CHL1: variants seen among roughly 807,000 people sequenced by gnomAD.
CHL1 encodes the protein cell adhesion molecule L1 like.
A neutral mutation model predicts 141.9 loss-of-function variants in CHL1; 96 were observed. The observed-to-expected ratio is 0.68, with a 90% CI of 0.57 to 0.80. The LOEUF is 0.80. CHL1 is among the 30% of genes least tolerant of loss of function. CHL1 has a pLI of 0.00. For synonymous variants in CHL1, 613 were observed against 502.2 expected, an observed-to-expected ratio of 1.22 and a Z score of -2.95; for missense variants, 1,820 against 1,457.2, an observed-to-expected ratio of 1.25 and a Z score of -4.05.
At chr3:287,937 T>G (rs993702209) in intron 2 of CHL1, among the ~76,000 whole-genome samples, 1 of 152,152 alleles carries the variant, frequency 6.6e-6, no homozygotes, top group African/African-American at 2.4e-5. Flanking sequence ...GGCTAAGTTT[T>G]TTGTATTTTT....
chr3:315,451 C>T (rs1202112365), intron 2 of CHL1, among the ~76,000 whole-genome samples: 1 of 152,096 alleles, frequency 6.6e-6, no homozygotes, highest in Non-Finnish European at 1.5e-5. Flanking sequence ...TCCTCCATTT[C>T]TCAAGGAATA....
intron 2 of CHL1, among the ~76,000 whole-genome samples, chr3:293,806 T>A (rs1457234513): frequency 1.4e-5 from 1 of 73,434 alleles, no homozygotes. Context: ...CTGGAGAAGA[T>A]TTTTTTTTTT....
chr3:376,047 G>A (rs780500139), intron 15 of CHL1, among the ~76,000 whole-genome samples: 3 of 152,218 alleles, frequency 2.0e-5, no homozygotes, highest in Non-Finnish European at 4.4e-5. Flanking sequence ...AAGGCAAACA[G>A]AGGAAAAGAT....
chr3:330,322 A>G (rs532345161), intron 5 of CHL1, among the ~76,000 whole-genome samples: 1 of 152,238 alleles, frequency 6.6e-6, no homozygotes, highest in East Asian at 1.9e-4. Context: ...AACATGTTGA[A>G]TGCAGTGAAA....
intron 12 of CHL1, among the ~76,000 whole-genome samples, chr3:360,700 A>G (rs560416325): frequency 6.8e-6 from 1 of 147,374 alleles, no homozygotes; most frequent in African/African-American, 2.6e-5. Context: ...CTAACTCGTC[A>G]TCTAGCATTA....
rs1709583828 is a variant in CHL1 at position 407,204 on chromosome 3, G to C, written c.*1493G>C. 1 of 152,060 alleles carries C rather than the reference G, an allele frequency of 6.6e-6. No homozygotes were observed. Among genetic ancestry groups the C allele is most frequent in the Non-Finnish European group, 1.5e-5 (1 of 68,006 alleles). 9.4% of individuals were successfully genotyped at this position (152,060 alleles called of 1,614,324 possible). A position where few individuals can be genotyped will look rare whatever the true frequency, so the allele number is the denominator to read the frequency against. ...CCTTACCACGAAATACTTAACTACTGTTTAAGTGAATTGACTTATTTCACT... is the reference window on the plus strand; with the variant it reads ...CCTTACCACGAAATACTTAACTACTCTTTAAGTGAATTGACTTATTTCACT... On this transcript the variant is annotated 3_prime_UTR_variant, in exon 28 of 28. Transcript: ENST00000256509.
intron 1 of CHL1, among the ~76,000 whole-genome samples, chr3:206,606 C>A (rs929191119): frequency 2.6e-5 from 4 of 151,528 alleles, no homozygotes; most frequent in Admixed American, 1.3e-4. Context: ...CAGGTGTGGT[C>A]GGGCATGCCT....
intron 11 of CHL1, among the ~76,000 whole-genome samples, chr3:355,083 C>T (rs1208357753): frequency 1.3e-5 from 2 of 152,040 alleles, no homozygotes; most frequent in East Asian, 1.9e-4. Context: ...AATTATTGTT[C>T]CTGTCCCTGA....
At chr3:404,531 T>C (rs981526926) in intron 27 of CHL1, among the ~76,000 whole-genome samples, 5 of 152,182 alleles carry the variant, frequency 3.3e-5, no homozygotes, top group African/African-American at 1.2e-4. Context: ...GATTTGCTTC[T>C]GTTCATGAAT....
chr3:239,098 G>T (rs331899), intron 1 of CHL1, among the ~76,000 whole-genome samples: 145,756 of 152,092 alleles, frequency 0.96, 69,927 homozygotes, highest in East Asian at 1. Flanking sequence ...AGTGGGGACT[G>T]TCAAGTAGGG....
intron 1 of CHL1, among the ~76,000 whole-genome samples, chr3:199,456 A>G (rs1698724701): frequency 1.3e-5 from 2 of 152,200 alleles, no homozygotes; most frequent in African/African-American, 4.8e-5. Flanking sequence ...TCATGGTTAT[A>G]TAGGTCCTCC....
At chr3:375,422 G>C (rs1005670715) in intron 15 of CHL1, among the ~76,000 whole-genome samples, 2 of 151,966 alleles carry the variant, frequency 1.3e-5, no homozygotes, top group African/African-American at 4.8e-5. Context: ...CCAAATAGGA[G>C]CTGCTTTTTT....
intron 10 of CHL1, among the ~76,000 whole-genome samples, 191 bp from the exon 11 acceptor site, chr3:354,433 GCACACACACACACACA>G (rs3836376): frequency 6.7e-6 from 1 of 149,392 alleles, no homozygotes; most frequent in Non-Finnish European, 1.5e-5. Flanking sequence ...TTAAACACAA[GCACACACACACACACA>G]CACACACACA....
chr3:337,663 A>G (rs919212064), intron 5 of CHL1, among the ~76,000 whole-genome samples: 55 of 152,122 alleles, frequency 3.6e-4, no homozygotes, highest in Non-Finnish European at 4.4e-5. Flanking sequence ...GATGGTTTTC[A>G]GCTTCAACCA....
At chr3:222,804 T>C (rs1700972299) in intron 1 of CHL1, among the ~76,000 whole-genome samples, 1 of 152,212 alleles carries the variant, frequency 6.6e-6, no homozygotes. Context: ...CTAACGCATA[T>C]TGATTTCTAA....
intron 2 of CHL1, among the ~76,000 whole-genome samples, chr3:304,296 G>C (rs432453): frequency 6.6e-6 from 1 of 152,132 alleles, no homozygotes; most frequent in Non-Finnish European, 1.5e-5. Flanking sequence ...CTGTTGTTTG[G>C]AATAGTTTCA....
chr3:249,019 C>T (rs1693437754), intron 2 of CHL1, among the ~76,000 whole-genome samples: 1 of 152,108 alleles, frequency 6.6e-6, no homozygotes, highest in Admixed American at 6.6e-5. Context: ...CTATTTTTGC[C>T]CTAAGGCAAT....
At chr3:211,950 G>A (rs1699937163) in intron 1 of CHL1, among the ~76,000 whole-genome samples, 1 of 152,190 alleles carries the variant, frequency 6.6e-6, no homozygotes, top group Non-Finnish European at 1.5e-5. Context: ...GAGTGGAACT[G>A]GAACTCGGAT....
chr3:225,536 C>CTT (rs1574764824), intron 1 of CHL1, among the ~76,000 whole-genome samples: 1 of 152,264 alleles, frequency 6.6e-6, no homozygotes, highest in East Asian at 1.9e-4. Flanking sequence ...TAAAACACAT[C>CTT]TTTATATTTC....
Sources: gnomAD v4.1 joint callset for allele counts (sites outside exome capture counted in the v4.1 genomes callset) on GRCh38, gnomAD v4.1.1 for gene constraint, MANE v1.5 for transcripts, NCBI Gene and HGNC (gene_info 2026-07-23, HGNC 2026-07-21) for gene names.